Variants in CAPZB observed in about 807,000 individuals in gnomAD.
The protein encoded by CAPZB is capping actin protein of muscle Z-line subunit beta.
Under a neutral mutation model 38.1 loss-of-function variants are expected in CAPZB, and 2 were observed. The ratio of observed to expected loss-of-function variants is 0.05; its 90% CI spans 0.02 to 0.17. CAPZB has a LOEUF of 0.17. CAPZB is among the 10% of genes least tolerant of loss of function. The pLI, the probability that CAPZB is intolerant of heterozygous loss-of-function variation, is 1.00. For missense variants in CAPZB, 161 were observed against 334.2 expected, an observed-to-expected ratio of 0.48 and a Z score of 4.04; for synonymous variants, 107 against 127.4, an observed-to-expected ratio of 0.84 and a Z score of 1.08.
At chr1:19,376,189 G>C (rs190147893) in intron 4 of CAPZB, among the ~76,000 whole-genome samples, 95 of 152,332 alleles carry the variant, frequency 6.2e-4, no homozygotes, top group Admixed American at 2.4e-3. Flanking sequence ...TAATAAGCCA[G>C]AGTACAGCCT....
intron 2 of CAPZB, among the ~76,000 whole-genome samples, chr1:19,411,076 G>A (rs952161805): frequency 6.6e-6 from 1 of 152,162 alleles, no homozygotes; most frequent in Non-Finnish European, 1.5e-5. Flanking sequence ...AGGCACAGTG[G>A]CTCACACCTA....
At chr1:19,400,210 A>G (rs762013046) in intron 2 of CAPZB, among the ~76,000 whole-genome samples, 6 of 151,768 alleles carry the variant, frequency 4.0e-5, no homozygotes, top group Non-Finnish European at 7.4e-5. Context: ...TTTTCCCGCT[A>G]CCCATGGCAC....
intron 4 of CAPZB, among the ~76,000 whole-genome samples, chr1:19,368,392 C>G (rs2094101554): frequency 6.6e-6 from 1 of 151,954 alleles, no homozygotes; most frequent in Admixed American, 6.6e-5. Flanking sequence ...GCCTGTAATC[C>G]CCAGCACTTT....
chr1:19,468,173 T>C (rs749405376), intron 1 of CAPZB, among the ~76,000 whole-genome samples: 3 of 152,186 alleles, frequency 2.0e-5, no homozygotes, highest in Non-Finnish European at 4.4e-5. Flanking sequence ...GCTGAAACAA[T>C]ATATTGAAAG....
At chr1:19,359,151 TAACA>T (rs983251818) in intron 4 of CAPZB, among the ~76,000 whole-genome samples, 1 of 148,700 alleles carries the variant, frequency 6.7e-6, no homozygotes, top group African/African-American at 2.5e-5. Context: ...AGCTATTATA[TAACA>T]AAAAATACAC....
chr1:19,470,144 G>A (rs1048597189), intron 1 of CAPZB, among the ~76,000 whole-genome samples: 6 of 152,170 alleles, frequency 3.9e-5, no homozygotes, highest in Admixed American at 2.0e-4. Flanking sequence ...GCTTGAGCCC[G>A]GGAGGTGGAG....
At chr1:19,347,007 TA>T (rs1446349094) in intron 6 of CAPZB, among the ~76,000 whole-genome samples, 3 of 151,200 alleles carry the variant, frequency 2.0e-5, no homozygotes, top group Non-Finnish European at 2.9e-5. Flanking sequence ...TTTTTATTTT[TA>T]TTTTTTATTT....
intron 2 of CAPZB, among the ~76,000 whole-genome samples, chr1:19,415,338 A>G (rs1162729108): frequency 6.6e-6 from 1 of 152,232 alleles, no homozygotes; most frequent in Non-Finnish European, 1.5e-5. Flanking sequence ...CCCAGATTAC[A>G]CGAGACAAAG....
At position 19,449,462 on chromosome 1, in the gene CAPZB, G is replaced by GA. The variant is rs1349574309; in HGVS notation, c.4-29713dup. On this transcript the variant is annotated intron_variant, in intron 1 of 8. Transcript: ENST00000264202. ...GTATGTCCACTCAGTGGAACAGTAC[G>GA]AAACAGCTAAACCCAGGTTCGTAAA... 7 of 382,512 alleles carry GA rather than the reference G, an allele frequency of 1.8e-5. No homozygotes were observed. The Admixed American group carries it at 4.4e-4, about 24-fold the overall frequency. The allele number at this position is 382,512 out of a possible 1,614,324, so 23.7% of individuals were successfully genotyped here.
At chr1:19,360,017 A>G (rs1462173996) in intron 4 of CAPZB, among the ~76,000 whole-genome samples, 1 of 152,146 alleles carries the variant, frequency 6.6e-6, no homozygotes, top group Non-Finnish European at 1.5e-5. Context: ...GGGCCCACAC[A>G]GAGTTGGAGA....
In CAPZB at chr1:19,359,490, C is replaced by T. The variant is rs1030293609; in HGVS notation, c.330-1927G>A. Among the ~76,000 whole-genome samples, 18 of 152,170 alleles carry T rather than the reference C, an allele frequency of 1.2e-4. 1 individual carries two copies. The highest frequency in any genetic ancestry group is 4.4e-5 in the Non-Finnish European group (3 of 68,018). On this transcript the variant is annotated intron_variant, in intron 4 of 8. Transcript: ENST00000264202. ...CTCCCTCAGGCAGGCTGCGGCCAGC[C>T]CCTGCGGCAGGACCACATCCTGTCC... is the stretch of plus-strand genomic sequence containing the variant.
At position 19,356,799 on chromosome 1, in the gene CAPZB, T is replaced by C; in HGVS notation, c.472-48A>G. On this transcript the variant is annotated intron_variant, in intron 5 of 8. Transcript: ENST00000264202. This position sits in a 1 kb window ranked among gnomAD's most constrained non-coding sequence, Gnocchi z 4.3. Reference sequence around the variant, plus strand: ...TGTTGAGCTGAGGGAGAGCCTGAAGTGGCCCCTGGAATTCAGGGTCATCCT... The same window carrying C: ...TGTTGAGCTGAGGGAGAGCCTGAAGCGGCCCCTGGAATTCAGGGTCATCCT... 7.7e-7 allele frequency: 1 copy of C among 1,303,298 alleles called. No homozygotes were observed. The highest frequency in any genetic ancestry group is 2.3e-5 in the East Asian group (1 of 43,300). 80.7% of individuals were successfully genotyped at this position (1,303,298 alleles called of 1,614,324 possible). A position where few individuals can be genotyped will look rare whatever the true frequency, so the allele number is the denominator to read the frequency against.
chr1:19,460,930 G>GT (rs928116654), intron 1 of CAPZB, among the ~76,000 whole-genome samples: 9 of 152,060 alleles, frequency 5.9e-5, no homozygotes, highest in Admixed American at 5.2e-4. Context: ...ACCAGGAGCT[G>GT]TGCTGGCCAG....
Position 19,480,572 on chromosome 1 carries a change from G to C in CAPZB, c.3+4864C>G, listed in dbSNP as rs74799345. Among the ~76,000 whole-genome samples, 401 of 152,318 alleles carry C rather than the reference G, an allele frequency of 2.6e-3. 1 individual carries two copies. The highest frequency in any genetic ancestry group is 9.3e-3 in the African/African-American group (386 of 41,566). ...TACTCAGAGGGAACCAAACAGACAA[G>C]GTCCCTGCTCTCACAGAGCTCATAT... On this transcript the variant is annotated intron_variant, in intron 1 of 8. Coordinates refer to ENST00000264202, the MANE Select transcript of CAPZB (RefSeq NM_004930.5).
chr1:19,404,023 G>A (rs373706124), intron 2 of CAPZB, among the ~76,000 whole-genome samples: 3 of 151,286 alleles, frequency 2.0e-5, no homozygotes, highest in East Asian at 2.0e-4. Flanking sequence ...ACTTGAGGTC[G>A]GGAGTTTGAG....
At chr1:19,483,622 G>A (rs911395981) in intron 1 of CAPZB, among the ~76,000 whole-genome samples, 3 of 152,216 alleles carry the variant, frequency 2.0e-5, no homozygotes, top group African/African-American at 2.4e-5. Flanking sequence ...ATCACCTGGC[G>A]AGAATCGCTG....
intron 1 of CAPZB, among the ~76,000 whole-genome samples, chr1:19,481,455 G>A (rs1040834402): frequency 6.6e-6 from 1 of 152,158 alleles, no homozygotes; most frequent in East Asian, 1.9e-4. Flanking sequence ...GGGCTGACAG[G>A]GATCCGAATC....
intron 1 of CAPZB, chr1:19,424,626 G>A (rs2094415583): frequency 6.6e-6 from 1 of 152,368 alleles, no homozygotes; most frequent in African/African-American, 2.4e-5. Flanking sequence ...AGTAAAGAGA[G>A]GGCTTAGGAC....
chr1:19,348,846 T>A (rs1479283797), intron 6 of CAPZB, among the ~76,000 whole-genome samples: 2 of 151,074 alleles, frequency 1.3e-5, no homozygotes, highest in African/African-American at 4.9e-5. Context: ...AAAAAAGACA[T>A]CTGGTTCTGG....
Sources: allele counts gnomAD v4.1 joint callset (sites outside exome capture counted in the v4.1 genomes callset), GRCh38; gene constraint gnomAD v4.1.1; non-coding constraint Gnocchi (gnomAD v3.1); transcripts MANE v1.5; gene names NCBI Gene and HGNC (gene_info 2026-07-23, HGNC 2026-07-21).